Variants in CFAP46 observed in about 807,000 individuals in gnomAD.
CFAP46 encodes the protein cilia- and flagella-associated protein 46.
Under a neutral mutation model 325.7 loss-of-function variants are expected in CFAP46, and 245 were observed. That is an observed-to-expected ratio of 0.75 (90% CI 0.68 to 0.84). The LOEUF (loss-of-function observed/expected upper bound fraction) is 0.84, where lower values mean the gene tolerates loss of function less well. Among genes scored for constraint, CFAP46 ranks in the 40% least tolerant of loss-of-function variants. The pLI is 0.00. For missense variants in CFAP46, 3,346 were observed against 3,543.0 expected (o/e 0.94, Z 1.41); for synonymous variants, 1,523 against 1,495.9 (o/e 1.02, Z -0.42).
chr10:132,912,853 C>T, intron 18 of CFAP46, 33 bp from the exon 19 acceptor site: 1 of 1,543,388 alleles, frequency 6.5e-7, no homozygotes, highest in Non-Finnish European at 8.7e-7. Context: ...GGAACCTTGG[C>T]CCCCGCAGGC....
At chr10:132,936,116 G>A (rs1256424100) in intron 7 of CFAP46, among the ~76,000 whole-genome samples, 4 of 70,856 alleles carry the variant, frequency 5.6e-5, no homozygotes, top group Non-Finnish European at 7.6e-5. Context: ...CACTCCCCTC[G>A]GCACCCAAAC....
Position 132,899,070 on chromosome 10 carries a change from A to G in CFAP46, c.3108T>C (p.His1036=). ...SSALVMLAAR[H]YWNAWLPLLS... ...GCAGTGGGAGCCAGGCGTTCCAGTA[A>G]TGCCGCGCGGCCAGCATCACCAGGG... The change falls in exon 24 of 58, where the codon CAT becomes CAC. Residue 1036 remains histidine (H), a synonymous_variant. Transcript: ENST00000368586. 3 of 1,550,518 alleles carry G rather than the reference A, an allele frequency of 1.9e-6. No individual in the cohort carries two copies. The highest frequency in any genetic ancestry group is 1.2e-5 in the South Asian group (1 of 84,066).
chr10:132,846,739 G>A (rs1309417850), intron 43 of CFAP46, among the ~76,000 whole-genome samples, 193 bp downstream of exon 43: 1 of 152,238 alleles, frequency 6.6e-6, no homozygotes, highest in Non-Finnish European at 1.5e-5. Context: ...AGGGGATCGG[G>A]GATAAGCACA....
In CFAP46 at chr10:132,889,744, G is replaced by C. The variant is rs1014286378; in HGVS notation, c.3304+2589C>G. On this transcript the variant is annotated intron_variant, in intron 25 of 57. Transcript: ENST00000368586. The surrounding 1 kb of genome is among the most constrained non-coding windows in gnomAD (Gnocchi z 6.0). ...GTCTCCTCCTCCCCGGAGGCCGTCA[G>C]CTCCATGGTGCCTCCGGGTGGGTGA... 3.9e-5 allele frequency among the ~76,000 whole-genome samples: 6 copies of C among 152,182 alleles called. No homozygotes were observed. Among genetic ancestry groups the C allele is most frequent in the Admixed American group, 2.0e-4 (3 of 15,286 alleles).
intron 57 of CFAP46, among the ~76,000 whole-genome samples, chr10:132,809,214 G>A (rs763496320): frequency 1.3e-5 from 2 of 152,200 alleles, no homozygotes; most frequent in East Asian, 1.9e-4. Flanking sequence ...GTGTGGCTGC[G>A]GCCTTGCAGG....
intron 34 of CFAP46, 143 bp from the exon 35 acceptor site, chr10:132,866,314 T>A (rs11146553): frequency 8.8e-6 from 8 of 905,324 alleles, no homozygotes. Context: ...CTAGGCACCA[T>A]GGGCGCCTCG....
intron 35 of CFAP46, among the ~76,000 whole-genome samples, chr10:132,861,283 C>T (rs570122086): frequency 6.6e-5 from 10 of 152,352 alleles, no homozygotes; most frequent in South Asian, 2.1e-4. Flanking sequence ...AGCTGCAGCG[C>T]GCATGACTGT....
At chr10:132,888,018 T>TTCTC (rs1454506060) in intron 25 of CFAP46, among the ~76,000 whole-genome samples, 1 of 93,972 alleles carries the variant, frequency 1.1e-5, no homozygotes, top group Non-Finnish European at 2.2e-5. Flanking sequence ...CTCTCCCCTC[T>TTCTC]TCTCTCCTCT....
intron 17 of CFAP46, among the ~76,000 whole-genome samples, chr10:132,916,129 T>G (rs958769926): frequency 6.6e-6 from 1 of 152,134 alleles, no homozygotes; most frequent in Non-Finnish European, 1.5e-5. Context: ...TTTCCCACAA[T>G]AGGAGGGAGA....
chr10:132,929,376 C>CGTA (rs1849856546), intron 9 of CFAP46: 1 of 644,732 alleles, frequency 1.6e-6, no homozygotes, highest in Admixed American at 2.4e-5. Flanking sequence ...GTGATTTACA[C>CGTA]GTCCAATAAT....
intron 54 of CFAP46, 143 bp from the exon 55 acceptor site, chr10:132,813,040 A>C: frequency 1.6e-6 from 1 of 634,766 alleles, no homozygotes; most frequent in South Asian, 1.9e-5. Context: ...CATGTTCCTA[A>C]TGCCCACGCC....
rs1178092498 is a variant in CFAP46, at chr10:132,876,801, T to C, written c.4362+11A>G. ...ACCAAGGTCTTGAGCCTTTTCTTTATGTCAACGTACCGGCTTCTGGATACT... is the reference window on the plus strand; with the variant it reads ...ACCAAGGTCTTGAGCCTTTTCTTTACGTCAACGTACCGGCTTCTGGATACT... On this transcript the variant is annotated intron_variant, in intron 31 of 57. Coordinates refer to ENST00000368586, the MANE Select transcript of CFAP46 (RefSeq NM_001200049.3). This position sits in a 1 kb window ranked among gnomAD's most constrained non-coding sequence, Gnocchi z 4.1. The C allele has an allele frequency of 5.2e-6, 8 of 1,546,490 alleles. No individual in the cohort carries two copies. Among genetic ancestry groups the C allele is most frequent in the Admixed American group, 4.0e-5 (2 of 50,432 alleles).
chr10:132,879,705 T>TGCC, intron 28 of CFAP46, 74 bp from the exon 29 acceptor site: 1 of 1,392,306 alleles, frequency 7.2e-7, no homozygotes, highest in Non-Finnish European at 9.4e-7. Flanking sequence ...CTCCCTTCCC[T>TGCC]GCCCGAGGCT....
chr10:132,907,908 G>A (rs780559904), intron 22 of CFAP46, among the ~76,000 whole-genome samples: 6 of 152,236 alleles, frequency 3.9e-5, no homozygotes, highest in African/African-American at 7.2e-5. Context: ...CGCCGAATCT[G>A]CCACACCTCG....
intron 31 of CFAP46, among the ~76,000 whole-genome samples, 165 bp from the exon 32 acceptor site, chr10:132,872,989 G>A (rs1402975403): frequency 8.5e-5 from 13 of 152,256 alleles, no homozygotes. Context: ...GTGCGTTTCT[G>A]TGGGATGGAT....
chr10:132,846,208 G>A lies in CFAP46; in HGVS notation c.6287C>T (p.Thr2096Met), dbSNP rs760378898. 56 of 1,611,894 alleles carry A rather than the reference G, an allele frequency of 3.5e-5. No homozygotes were observed. Among genetic ancestry groups the A allele is most frequent in the East Asian group, 2.7e-4 (12 of 44,870 alleles). ...ALSQSCSASE[T>M]MRDVLLAATA... Reference sequence around the variant, plus strand: ...GGCTGCAAGCAGGACATCCCTCATCGTCTCTGAGGCCGAGCAGCTCTGAAA... The same window carrying A: ...GGCTGCAAGCAGGACATCCCTCATCATCTCTGAGGCCGAGCAGCTCTGAAA... The change falls in exon 44 of 58, where the codon ACG becomes ATG. Residue 2096 changes from threonine to methionine, a missense_variant. Thr to Met is a moderately conservative substitution (Grantham distance 81, BLOSUM62 -1). Coordinates refer to ENST00000368586, the MANE Select transcript of CFAP46 (RefSeq NM_001200049.3).
At chr10:132,907,705 C>T (rs1282084139) in intron 22 of CFAP46, among the ~76,000 whole-genome samples, 1 of 152,180 alleles carries the variant, frequency 6.6e-6, no homozygotes, top group Admixed American at 6.5e-5. Context: ...CCATGCTGGG[C>T]GATCCTCACC....
intron 43 of CFAP46, 114 bp downstream of exon 43, chr10:132,846,818 C>T (rs948420868): frequency 1.4e-5 from 19 of 1,335,414 alleles, no homozygotes; most frequent in Non-Finnish European, 1.8e-5. Context: ...AGGACCCTGG[C>T]CTGCGGCCTG....
At chr10:132,838,632 T>C (rs937406907) in intron 44 of CFAP46, among the ~76,000 whole-genome samples, 4 of 152,268 alleles carry the variant, frequency 2.6e-5, no homozygotes, top group Admixed American at 2.6e-4. Flanking sequence ...TGCCACAGCG[T>C]CTTCATCCGT....
Sources: gnomAD v4.1 joint callset for allele counts (sites outside exome capture counted in the v4.1 genomes callset) on GRCh38, gnomAD v4.1.1 for gene constraint, Gnocchi (gnomAD v3.1) non-coding constraint, MANE v1.5 for transcripts, NCBI Gene and HGNC (gene_info 2026-07-23, HGNC 2026-07-21) for gene names.